The following MYO10 variants were observed in gnomAD, a reference collection of about 807,000 sequenced individuals.
MYO10 encodes the protein myosin X.
A neutral mutation model predicts 257.3 loss-of-function variants in MYO10; 133 were observed. The observed-to-expected ratio is 0.52, with a 90% CI of 0.45 to 0.60. The LOEUF (loss-of-function observed/expected upper bound fraction) is 0.60. Among genes scored for constraint, MYO10 ranks in the 20% least tolerant of loss-of-function variants. The pLI, the probability that MYO10 is intolerant of heterozygous loss-of-function variation, is 0.00. For missense variants in MYO10, 2,399 were observed against 2,635.7 expected (o/e 0.91, Z 1.97); for synonymous variants, 1,104 against 1,028.6 (o/e 1.07, Z -1.40).
intron 39 of MYO10, 150 bp from the exon 40 acceptor site, chr5:16,668,618 T>A (rs910102193): frequency 1.8e-6 from 1 of 569,334 alleles, no homozygotes; most frequent in African/African-American, 1.9e-5. Context: ...GCCTGAAATA[T>A]GAAAAATGGC....
chr5:16,787,231 A>G (rs1481649277), intron 4 of MYO10, among the ~76,000 whole-genome samples: 1 of 152,080 alleles, frequency 6.6e-6, no homozygotes, highest in Non-Finnish European at 1.5e-5. Context: ...GCTACTCTGG[A>G]AAGCAGCCTC....
Position 16,670,531 on chromosome 5 carries a change from C to T in MYO10, c.5878G>A (p.Val1960Met), listed in dbSNP as rs745419249. 5 of 1,601,978 alleles carry T rather than the reference C, an allele frequency of 3.1e-6. No individual in the cohort carries two copies. The highest frequency in any genetic ancestry group is 8.5e-7 in the Non-Finnish European group (1 of 1,172,700). The change falls in exon 39 of 41, where the codon GTG becomes ATG. Residue 1960 changes from valine to methionine, a missense_variant. Physicochemically the swap from Val to Met is conservative, Grantham distance 21. Around this residue, in one of 3 missense-constraint regions of MYO10, gnomAD observed 1,820 missense variants for 1,939.4 expected, o/e 0.94. Transcript: ENST00000513610. ...ACACGGCAGCCAGTTCTCACCTCCA[C>T]ATCAAACAGCGTCGAGCCATAGCCA... is the stretch of plus-strand genomic sequence containing the variant. Reference protein sequence around the residue: ...WPGYGSTLFDVECKEGGFPQE... With the variant: ...WPGYGSTLFDMECKEGGFPQE...
At chr5:16,798,077 C>G (rs1742020278) in intron 3 of MYO10, among the ~76,000 whole-genome samples, 1 of 152,172 alleles carries the variant, frequency 6.6e-6, no homozygotes, top group Non-Finnish European at 1.5e-5. Flanking sequence ...GTCTCACACT[C>G]AAGCTTTCTC....
chr5:16,881,035 A>G (rs1291675774), intron 1 of MYO10, among the ~76,000 whole-genome samples: 2 of 152,244 alleles, frequency 1.3e-5, no homozygotes, highest in South Asian at 4.1e-4. Flanking sequence ...TCAAAGTGAT[A>G]TAAGGCAAGA....
chr5:16,911,191 T>C (rs1745647781), intron 1 of MYO10, among the ~76,000 whole-genome samples: 1 of 152,246 alleles, frequency 6.6e-6, no homozygotes, highest in South Asian at 2.1e-4. Context: ...TGAGGATCCA[T>C]TCAGAAAATA....
intron 19 of MYO10, chr5:16,742,344 T>C (rs1314465312): frequency 1.4e-6 from 1 of 722,760 alleles, no homozygotes; most frequent in African/African-American, 1.9e-5. Flanking sequence ...TTACTGGGAT[T>C]GTTTTGTTTA....
chr5:16,689,681 A>G, intron 28 of MYO10, 143 bp downstream of exon 28: 1 of 645,506 alleles, frequency 1.5e-6, no homozygotes, highest in Middle Eastern at 4.3e-4. Flanking sequence ...AAGTGCATCA[A>G]TCTCGTATGA....
At chr5:16,667,494 C>A (rs1017490078) in intron 40 of MYO10, among the ~76,000 whole-genome samples, 3 of 152,182 alleles carry the variant, frequency 2.0e-5, no homozygotes, top group Non-Finnish European at 2.9e-5. Context: ...CATGCACAAT[C>A]AAAGATCCCA....
intron 1 of MYO10, among the ~76,000 whole-genome samples, chr5:16,918,288 TCAG>T (rs201922339): frequency 0.069 from 10,479 of 152,066 alleles, 424 homozygotes; most frequent in African/African-American, 0.11. Flanking sequence ...AAGCATCAGC[TCAG>T]CAGCTCAGCA....
At position 16,662,576 on chromosome 5, in the gene MYO10, C is replaced by A. The variant is rs1003021835; in HGVS notation, c.*4116G>T. 3.3e-5 allele frequency: 5 copies of A among 152,042 alleles called. No individual in the cohort carries two copies. Among genetic ancestry groups the A allele is most frequent in the African/African-American group, 1.2e-4 (5 of 41,362 alleles). The allele number at this position is 152,042 out of a possible 1,614,324, so 9.4% of individuals were successfully genotyped here. Reference sequence around the variant, plus strand: ...AGCTCAAGCGATCCTCTTGCCTCGGCCTTCCAACATGCTGGGATTACAGGC... The same window carrying A: ...AGCTCAAGCGATCCTCTTGCCTCGGACTTCCAACATGCTGGGATTACAGGC... On this transcript the variant is annotated 3_prime_UTR_variant, in exon 41 of 41. Coordinates refer to ENST00000513610, the MANE Select transcript of MYO10 (RefSeq NM_012334.3).
intron 3 of MYO10, among the ~76,000 whole-genome samples, chr5:16,804,047 G>A (rs1580008199): frequency 6.6e-6 from 1 of 152,220 alleles, no homozygotes; most frequent in South Asian, 2.1e-4. Context: ...GAGCCCGTGA[G>A]TCAGAGTGAA....
chr5:16,681,154 T>G (rs1038403170), intron 32 of MYO10, among the ~76,000 whole-genome samples, 155 bp downstream of exon 32: 5 of 151,324 alleles, frequency 3.3e-5, no homozygotes, highest in Admixed American at 1.3e-4. Flanking sequence ...AGTGGTCACA[T>G]AGCTAACCCC....
intron 19 of MYO10, among the ~76,000 whole-genome samples, chr5:16,750,406 TAA>T (rs568882123): frequency 6.9e-6 from 1 of 144,840 alleles, no homozygotes; most frequent in Admixed American, 6.9e-5. Context: ...AAACCCAAAT[TAA>T]AAAAAAAAAA....
At chr5:16,889,657 C>T (rs1490048128) in intron 1 of MYO10, among the ~76,000 whole-genome samples, 1 of 151,656 alleles carries the variant, frequency 6.6e-6, no homozygotes, top group Admixed American at 6.6e-5. Flanking sequence ...AACTGTCCCA[C>T]TAAGAACTCT....
chr5:16,663,984 A>G lies in MYO10; in HGVS notation c.*2708T>C, dbSNP rs986007442. ...TTGTTGAAAGCAACTGACATCACAC[A>G]CACCAATGAGTGCATGTAAAAGCAG... On this transcript the variant is annotated 3_prime_UTR_variant, in exon 41 of 41. Transcript: ENST00000513610. 6.6e-6 allele frequency: 1 copy of G among 152,014 alleles called. No homozygotes were observed. The highest frequency in any genetic ancestry group is 1.5e-5 in the Non-Finnish European group (1 of 68,024). The allele number at this position is 152,014 out of a possible 1,614,324, so 9.4% of individuals were successfully genotyped here. A position where few individuals can be genotyped will look rare whatever the true frequency, so the allele number is the denominator to read the frequency against.
At chr5:16,698,264 G>A (rs143149566) in intron 26 of MYO10, among the ~76,000 whole-genome samples, 353 of 152,278 alleles carry the variant, frequency 2.3e-3, no homozygotes, top group African/African-American at 7.9e-3. Context: ...TATGAAGGCT[G>A]CGGCAGGAAG....
At chr5:16,843,395 T>C (rs1333971127) in intron 2 of MYO10, among the ~76,000 whole-genome samples, 1 of 152,226 alleles carries the variant, frequency 6.6e-6, no homozygotes, top group Non-Finnish European at 1.5e-5. Context: ...ACCTGGCAAA[T>C]GCCTCTGCTG....
At chr5:16,761,384 T>C in intron 17 of MYO10, 80 bp downstream of exon 17, 1 of 1,125,764 alleles carries the variant, frequency 8.9e-7, no homozygotes, top group Non-Finnish European at 1.3e-6. Context: ...CAGCAATTTG[T>C]TCTATATTTG....
chr5:16,885,149 A>C (rs1744862246), intron 1 of MYO10, among the ~76,000 whole-genome samples: 1 of 151,806 alleles, frequency 6.6e-6, no homozygotes, highest in South Asian at 2.1e-4. Context: ...ACAGGTGGGC[A>C]GTGGTGCTAG....
Sources: gnomAD v4.1 joint callset for allele counts (sites outside exome capture counted in the v4.1 genomes callset) on GRCh38, gnomAD v4.1.1 for gene constraint, gnomAD v4.1.1 regional missense constraint, MANE v1.5 for transcripts, NCBI Gene and HGNC (gene_info 2026-07-23, HGNC 2026-07-21) for gene names.